Variants in PALS2 observed in about 807,000 individuals in gnomAD.
PALS2 encodes protein PALS2.
A neutral mutation model predicts 61.6 loss-of-function variants in PALS2; 27 were observed. That is an observed-to-expected ratio of 0.44 (90% CI 0.32 to 0.60). The LOEUF (loss-of-function observed/expected upper bound fraction) is 0.60. Among genes scored for constraint, PALS2 ranks in the 20% least tolerant of loss-of-function variants. The pLI, the probability that PALS2 is intolerant of heterozygous loss-of-function variation, is 0.05. For missense variants in PALS2, 554 were observed against 639.4 expected (o/e 0.87, Z 1.44); for synonymous variants, 236 against 218.6 (o/e 1.08, Z -0.70).
At chr7:24,668,155 C>CAAA (rs200570573) in intron 8 of PALS2, among the ~76,000 whole-genome samples, 3 of 143,680 alleles carry the variant, frequency 2.1e-5, no homozygotes, top group African/African-American at 7.6e-5. Flanking sequence ...CCCATCTCTA[C>CAAA]AAAAAAAAAA....
At chr7:24,653,279 G>A (rs1274701520) in intron 5 of PALS2, among the ~76,000 whole-genome samples, 1 of 151,788 alleles carries the variant, frequency 6.6e-6, no homozygotes, top group Non-Finnish European at 1.5e-5. Context: ...ATGTAACTAA[G>A]CACATTACCA....
chr7:24,623,168 A>AGAAT (rs1296049168), intron 1 of PALS2, among the ~76,000 whole-genome samples: 1 of 148,460 alleles, frequency 6.7e-6, no homozygotes, highest in Non-Finnish European at 1.5e-5. Context: ...TTGGTCTCAT[A>AGAAT]GAATGAGTTG....
intron 2 of PALS2, among the ~76,000 whole-genome samples, chr7:24,641,477 G>C (rs959321805): frequency 9.2e-5 from 14 of 151,882 alleles, no homozygotes; most frequent in African/African-American, 3.1e-4. Context: ...TCATGGTTTA[G>C]TTATAAAAAT....
intron 9 of PALS2, among the ~76,000 whole-genome samples, chr7:24,669,775 C>T (rs1300187916): frequency 6.6e-6 from 1 of 152,200 alleles, no homozygotes; most frequent in Non-Finnish European, 1.5e-5. Flanking sequence ...ATAATCCCTT[C>T]AGTGTAAATC....
chr7:24,588,486 T>C (rs978297320), intron 1 of PALS2, among the ~76,000 whole-genome samples: 33 of 152,230 alleles, frequency 2.2e-4, no homozygotes, highest in African/African-American at 7.5e-4. Context: ...GTATTCTCTT[T>C]TACAGCATTT....
At chr7:24,659,305 A>C (rs1040504455) in intron 5 of PALS2, among the ~76,000 whole-genome samples, 1 of 152,220 alleles carries the variant, frequency 6.6e-6, no homozygotes, top group Non-Finnish European at 1.5e-5. Flanking sequence ...TGCTATGATG[A>C]ACATATGTGT....
At chr7:24,620,593 A>G (rs1368865968) in intron 1 of PALS2, among the ~76,000 whole-genome samples, 4 of 152,168 alleles carry the variant, frequency 2.6e-5, no homozygotes, top group Admixed American at 2.0e-4. Flanking sequence ...TTGAAAAAAA[A>G]ACAAGCACTT....
At chr7:24,593,434 T>G (rs1783376993) in intron 1 of PALS2, among the ~76,000 whole-genome samples, 1 of 152,142 alleles carries the variant, frequency 6.6e-6, no homozygotes, top group Non-Finnish European at 1.5e-5. Context: ...GTGTTCTTAA[T>G]GACATAAATG....
intron 1 of PALS2, among the ~76,000 whole-genome samples, chr7:24,613,232 C>CT (rs962137742): frequency 1.3e-5 from 2 of 151,492 alleles, no homozygotes; most frequent in African/African-American, 4.8e-5. Flanking sequence ...GATCTCATGC[C>CT]TTTTTTTAAA....
At position 24,618,941 on chromosome 7, in the gene PALS2, GAC is replaced by G. The variant is rs1203736332; in HGVS notation, c.-2-4723_-2-4722del. Among the ~76,000 whole-genome samples, 5 of 152,214 alleles carry G rather than the reference GAC, an allele frequency of 3.3e-5. No individual in the cohort carries two copies. Among genetic ancestry groups the G allele is most frequent in the African/African-American group, 1.2e-4 (5 of 41,466 alleles). On this transcript the variant is annotated intron_variant, in intron 1 of 11. Transcript: ENST00000222644. The surrounding 1 kb of genome is among the most constrained non-coding windows in gnomAD (Gnocchi z 5.1). ...GACACTTACCGTCAGCCATCTTACT[GAC>G]ATCACTCTTCGTGTCTTGTCTTTTT...
At chr7:24,672,047 A>G (rs560656297) in intron 9 of PALS2, among the ~76,000 whole-genome samples, 1 of 150,888 alleles carries the variant, frequency 6.6e-6, no homozygotes, top group South Asian at 2.1e-4. Context: ...TATAAATTAT[A>G]AGATAAGCTT....
intron 2 of PALS2, chr7:24,624,179 CTA>C (rs1382807187): frequency 8.2e-7 from 1 of 1,215,124 alleles, no homozygotes; most frequent in Non-Finnish European, 1.1e-6. Flanking sequence ...CTTCCTTTAT[CTA>C]GTGCTTTTTT....
chr7:24,623,501 TCATA>T (rs1784609625), intron 1 of PALS2, among the ~76,000 whole-genome samples, 161 bp from the exon 2 acceptor site: 1 of 152,120 alleles, frequency 6.6e-6, no homozygotes, highest in South Asian at 2.1e-4. Context: ...AATTTGAAAC[TCATA>T]CTGTTTAACA....
chr7:24,581,867 T>C (rs1408085836), intron 1 of PALS2, among the ~76,000 whole-genome samples: 1 of 152,228 alleles, frequency 6.6e-6, no homozygotes, highest in Non-Finnish European at 1.5e-5. Context: ...TAGTTTTGGC[T>C]GACTGAAAGT....
At chr7:24,616,589 A>G (rs2711128) in intron 1 of PALS2, among the ~76,000 whole-genome samples, 76,924 of 152,024 alleles carry the variant, frequency 0.51, 23,210 homozygotes, top group African/African-American at 0.83. Flanking sequence ...GCAACATGTA[A>G]TTGACTCTTG....
At chr7:24,652,204 A>T (rs1414260632) in intron 5 of PALS2, among the ~76,000 whole-genome samples, 1 of 152,132 alleles carries the variant, frequency 6.6e-6, no homozygotes, top group African/African-American at 2.4e-5. Context: ...TGTTAGTTGT[A>T]GTAGGAAGAT....
intron 2 of PALS2, among the ~76,000 whole-genome samples, chr7:24,633,243 G>A (rs558031058): frequency 1.3e-5 from 2 of 150,734 alleles, no homozygotes; most frequent in African/African-American, 2.4e-5. Flanking sequence ...TTTCTTGCAA[G>A]ACAGGTGTAG....
At chr7:24,646,333 A>G (rs982938148) in intron 3 of PALS2, among the ~76,000 whole-genome samples, 3 of 152,072 alleles carry the variant, frequency 2.0e-5, no homozygotes, top group Non-Finnish European at 2.9e-5. Flanking sequence ...TTCCTTTAAT[A>G]CCTAGTTAAT....
intron 9 of PALS2, among the ~76,000 whole-genome samples, chr7:24,678,558 G>A (rs1787746828): frequency 6.6e-6 from 1 of 152,138 alleles, no homozygotes; most frequent in Non-Finnish European, 1.5e-5. Context: ...ACTAAGAACA[G>A]GTGAACTTTG....
Sources: gnomAD v4.1 joint callset for allele counts (sites outside exome capture counted in the v4.1 genomes callset) on GRCh38, gnomAD v4.1.1 for gene constraint, Gnocchi (gnomAD v3.1) non-coding constraint, MANE v1.5 for transcripts, NCBI Gene and HGNC (gene_info 2026-07-23, HGNC 2026-07-21) for gene names.